PGM1: variants seen among roughly 807,000 people sequenced by gnomAD.
PGM1 encodes phosphoglucomutase-1.
Under a neutral mutation model 55.6 loss-of-function variants are expected in PGM1, and 52 were observed. The ratio of observed to expected loss-of-function variants is 0.94; its 90% CI spans 0.75 to 1.18. The LOEUF is 1.18. PGM1 is among the 50% of genes most tolerant of loss of function. The pLI is 0.00. For synonymous variants in PGM1, 287 were observed against 271.7 expected (o/e 1.06, Z -0.55); for missense variants, 724 against 729.3 (o/e 0.99, Z 0.08).
intron 1 of PGM1, among the ~76,000 whole-genome samples, chr1:63,620,522 G>A (rs1648852605): frequency 6.6e-6 from 1 of 152,178 alleles, no homozygotes; most frequent in Non-Finnish European, 1.5e-5. Flanking sequence ...GGTGTGAAGA[G>A]GTGAACCCAT....
intron 9 of PGM1, among the ~76,000 whole-genome samples, chr1:63,652,065 C>T (rs928100647): frequency 2.0e-5 from 3 of 152,156 alleles, no homozygotes; most frequent in African/African-American, 7.2e-5. Context: ...GTGCACTGTC[C>T]AGTACCCTCA....
intron 7 of PGM1, among the ~76,000 whole-genome samples, chr1:63,647,612 G>A (rs1363484017): frequency 3.3e-5 from 5 of 151,592 alleles, no homozygotes; most frequent in African/African-American, 9.7e-5. Flanking sequence ...AATTATTTTT[G>A]TTATGGTGTT....
intron 9 of PGM1, among the ~76,000 whole-genome samples, chr1:63,652,412 G>A (rs865835114): frequency 2.4e-4 from 36 of 152,166 alleles, no homozygotes; most frequent in African/African-American, 8.0e-4. Flanking sequence ...CTGGCAAGAC[G>A]CCACAGTTTA....
rs1330259212 is a variant in PGM1, at chr1:63,616,670, C to T, written c.247-12755C>T. Among the ~76,000 whole-genome samples the T allele has an allele frequency of 3.3e-5, 5 of 152,032 alleles. No homozygotes were observed. The East Asian group carries it at 9.6e-4, about 29-fold the overall frequency. On this transcript the variant is annotated intron_variant, in intron 1 of 10. Transcript: ENST00000371084. ...TGAACAGATGGACAGCCAACTGACG[C>T]GTGCTAAAGGTTGTACACTCTCTGA...
chr1:63,637,218 A>C (rs945512316), intron 6 of PGM1, among the ~76,000 whole-genome samples: 19 of 152,322 alleles, frequency 1.2e-4, no homozygotes, highest in African/African-American at 4.1e-4. Context: ...GTAGACACTA[A>C]ATATTTTGCA....
chr1:63,645,442 A>G (rs961008869), intron 7 of PGM1, among the ~76,000 whole-genome samples: 48 of 152,322 alleles, frequency 3.2e-4, no homozygotes, highest in Middle Eastern at 3.4e-3. Context: ...CAGACAAATA[A>G]TTCCAAGCTG....
At chr1:63,647,296 A>G (rs1432939766) in intron 7 of PGM1, among the ~76,000 whole-genome samples, 5 of 113,446 alleles carry the variant, frequency 4.4e-5, no homozygotes, top group South Asian at 2.7e-4. Context: ...ATATATATAT[A>G]TATATATATA....
At chr1:63,618,524 GT>G (rs961158066) in intron 1 of PGM1, among the ~76,000 whole-genome samples, 12 of 151,940 alleles carry the variant, frequency 7.9e-5, no homozygotes, top group African/African-American at 1.2e-4. Flanking sequence ...AATATACCTA[GT>G]TTTCCCCCCC....
rs1650084127 is a variant in PGM1 at position 63,660,221 on chromosome 1, G to A, written c.*546G>A. 6.5e-6 allele frequency: 1 copy of A among 153,466 alleles called. No homozygotes were observed. Among genetic ancestry groups the A allele is most frequent in the Non-Finnish European group, 1.5e-5 (1 of 68,610 alleles). 9.5% of individuals were successfully genotyped at this position (153,466 alleles called of 1,614,324 possible). ...TGTCCCATTCACACAGATATTTTGG[G>A]ATAATAAAGGAAAATAAGCTACAAT... On this transcript the variant is annotated 3_prime_UTR_variant, in exon 11 of 11. Coordinates refer to ENST00000371084, the MANE Select transcript of PGM1 (RefSeq NM_002633.3).
chr1:63,608,429 G>C (rs1264982506), intron 1 of PGM1, among the ~76,000 whole-genome samples: 1 of 152,210 alleles, frequency 6.6e-6, no homozygotes, highest in Non-Finnish European at 1.5e-5. Flanking sequence ...AGTCCTGTCA[G>C]CTCTAAACCA....
At chr1:63,613,193 G>A (rs1469727039) in intron 1 of PGM1, among the ~76,000 whole-genome samples, 1 of 151,264 alleles carries the variant, frequency 6.6e-6, no homozygotes, top group East Asian at 1.9e-4. Context: ...GCAGGGTAGA[G>A]GAATAGTCTA....
At chr1:63,651,054 C>T (rs1649793577) in intron 8 of PGM1, among the ~76,000 whole-genome samples, 1 of 151,718 alleles carries the variant, frequency 6.6e-6, no homozygotes, top group African/African-American at 2.4e-5. Context: ...GCACATGTAT[C>T]TTGAAACTTA....
chr1:63,600,503 C>A (rs2100956000), intron 1 of PGM1, among the ~76,000 whole-genome samples: 1 of 152,272 alleles, frequency 6.6e-6, no homozygotes, highest in African/African-American at 2.4e-5. Context: ...AACAAAGTTT[C>A]TGCTCTACAG....
rs1164728146 is a variant in PGM1 at position 63,636,369 on chromosome 1, A to G, written c.1009A>G (p.Thr337Ala). 6.2e-6 allele frequency: 10 copies of G among 1,614,074 alleles called. No homozygotes were observed. Among genetic ancestry groups the G allele is most frequent in the East Asian group, 2.2e-5 (1 of 44,856 alleles). Residue 337 changes from threonine to alanine, a missense_variant, in exon 6 of 11, where the codon ACG becomes GCG. Around this residue, in one of 3 missense-constraint regions of PGM1, gnomAD observed 316 missense variants for 313.1 expected, o/e 1.01. Transcript: ENST00000371084. ...CCGCGGCTTTGCACGGAGCATGCCC[A>G]CGAGTGGTGCTCTGGACCGGTAGGT... ...GVRGFARSMP[T>A]SGALDRVASA...
At chr1:63,626,798 G>A (rs1464423865) in intron 1 of PGM1, among the ~76,000 whole-genome samples, 2 of 151,988 alleles carry the variant, frequency 1.3e-5, no homozygotes, top group Non-Finnish European at 2.9e-5. Context: ...ACAAAACATT[G>A]TTGTGCAGCA....
At chr1:63,654,299 T>G (rs201304878) in intron 9 of PGM1, 33 bp from the exon 10 acceptor site, 53 of 1,612,040 alleles carry the variant, frequency 3.3e-5, no homozygotes, top group Non-Finnish European at 4.2e-5. Context: ...CTCCCAGCAT[T>G]TGGGGAAAAA....
At chr1:63,642,204 G>A (rs186853619) in intron 7 of PGM1, among the ~76,000 whole-genome samples, 3 of 152,300 alleles carry the variant, frequency 2.0e-5, no homozygotes, top group Admixed American at 1.3e-4. Context: ...CTGGTCCACC[G>A]AGTAAAACAA....
chr1:63,616,542 C>A (rs747604127), intron 1 of PGM1, among the ~76,000 whole-genome samples: 4 of 152,154 alleles, frequency 2.6e-5, no homozygotes, highest in Non-Finnish European at 5.9e-5. Flanking sequence ...TCCTTCTGCA[C>A]CAAAAGTTTC....
At chr1:63,632,173 C>T (rs1649214271) in intron 4 of PGM1, among the ~76,000 whole-genome samples, 1 of 152,048 alleles carries the variant, frequency 6.6e-6, no homozygotes, top group South Asian at 2.1e-4. Context: ...CCCCCACTCA[C>T]CTGCCCCCAA....
Sources: gnomAD v4.1 joint callset for allele counts (sites outside exome capture counted in the v4.1 genomes callset) on GRCh38, gnomAD v4.1.1 for gene constraint, gnomAD v4.1.1 regional missense constraint, MANE v1.5 for transcripts, NCBI Gene and HGNC (gene_info 2026-07-23, HGNC 2026-07-21) for gene names.